The following GTF2B variants were observed in gnomAD, a reference collection of about 807,000 sequenced individuals.
GTF2B encodes transcription initiation factor IIB.
GTF2B carries 20 observed loss-of-function variants against 34.6 expected under a neutral mutation model. That is an observed-to-expected ratio of 0.58 (90% CI 0.41 to 0.84). GTF2B has a LOEUF of 0.84. Among genes scored for constraint, GTF2B ranks in the 40% least tolerant of loss-of-function variants. The probability of loss-of-function intolerance (pLI) is 0.00; values close to 1 mark genes in which losing one functional copy is unlikely to be tolerated. For missense variants in GTF2B, 237 were observed against 393.3 expected (o/e 0.60, Z 3.36); for synonymous variants, 142 against 132.4 (o/e 1.07, Z -0.50).
Position 88,852,948 on chromosome 1 carries a change from GT to G in GTF2B, c.*264del, listed in dbSNP as rs1254446153. Reference sequence around the variant, plus strand: ...AACAAAAACTTGAGTTTTGAAAAATGTTTTATTCAAGAATTACATAATTTCA... The same window carrying G: ...AACAAAAACTTGAGTTTTGAAAAATGTTTATTCAAGAATTACATAATTTCA... On this transcript the variant is annotated 3_prime_UTR_variant, in exon 7 of 7. Coordinates refer to ENST00000370500, the MANE Select transcript of GTF2B (RefSeq NM_001514.6). 2 of 378,448 alleles carry G rather than the reference GT, an allele frequency of 5.3e-6. No individual in the cohort carries two copies. The highest frequency in any genetic ancestry group is 4.1e-5 in the African/African-American group (2 of 48,320). 23.4% of individuals were successfully genotyped at this position (378,448 alleles called of 1,614,324 possible).
chr1:88,887,403 A>C, intron 1 of GTF2B, 36 bp from the exon 2 acceptor site: 1 of 1,191,978 alleles, frequency 8.4e-7, no homozygotes, highest in Non-Finnish European at 1.3e-6. Context: ...CATCTTCCCA[A>C]CCAACATGTA....
intron 6 of GTF2B, among the ~76,000 whole-genome samples, chr1:88,855,174 T>C (rs1424908950): frequency 6.6e-6 from 1 of 152,206 alleles, no homozygotes; most frequent in Non-Finnish European, 1.5e-5. Flanking sequence ...ACTCAAAATT[T>C]CCTTAAAACG....
At chr1:88,879,167 A>G (rs555364904) in intron 2 of GTF2B, among the ~76,000 whole-genome samples, 2 of 152,250 alleles carry the variant, frequency 1.3e-5, no homozygotes, top group Admixed American at 6.5e-5. Flanking sequence ...CCTCAAGAAG[A>G]AGGAGGTTTG....
chr1:88,890,607 C>G (rs188077210), intron 1 of GTF2B, among the ~76,000 whole-genome samples: 1 of 152,170 alleles, frequency 6.6e-6, no homozygotes, highest in Non-Finnish European at 1.5e-5. Flanking sequence ...ACTCTACACT[C>G]TAACACGACT....
At chr1:88,884,622 T>G (rs560264918) in intron 2 of GTF2B, among the ~76,000 whole-genome samples, 9 of 152,262 alleles carry the variant, frequency 5.9e-5, no homozygotes, top group Non-Finnish European at 1.3e-4. Context: ...GAAACTTTAG[T>G]TGCAGCCTCA....
chr1:88,866,306 AT>A (rs1673559166), intron 2 of GTF2B, among the ~76,000 whole-genome samples: 1 of 152,182 alleles, frequency 6.6e-6, no homozygotes, highest in Non-Finnish European at 1.5e-5. Flanking sequence ...GGGAGCCATG[AT>A]TACACCACTG....
intron 2 of GTF2B, among the ~76,000 whole-genome samples, chr1:88,876,260 A>G (rs192607734): frequency 2.0e-5 from 3 of 152,350 alleles, no homozygotes; most frequent in East Asian, 1.9e-4. Flanking sequence ...TTAACATACT[A>G]TAATTGGAGC....
chr1:88,882,799 T>G (rs927462393), intron 2 of GTF2B, among the ~76,000 whole-genome samples: 1 of 152,226 alleles, frequency 6.6e-6, no homozygotes, highest in African/African-American at 2.4e-5. Context: ...TGGAAGGCAT[T>G]CATAGAATTG....
chr1:88,865,941 C>T (rs1673548899), intron 2 of GTF2B, among the ~76,000 whole-genome samples: 2 of 152,062 alleles, frequency 1.3e-5, no homozygotes, highest in African/African-American at 4.8e-5. Flanking sequence ...ATCAGGAGGA[C>T]AGCAAAGAAC....
At chr1:88,867,371 G>T (rs1488108720) in intron 2 of GTF2B, among the ~76,000 whole-genome samples, 1 of 152,130 alleles carries the variant, frequency 6.6e-6, no homozygotes, top group Non-Finnish European at 1.5e-5. Context: ...TTTTTAGACA[G>T]AATTTAGTCC....
intron 2 of GTF2B, among the ~76,000 whole-genome samples, chr1:88,872,410 C>A (rs1673714620): frequency 7.5e-6 from 1 of 132,512 alleles, no homozygotes; most frequent in Admixed American, 9.1e-5. Context: ...CGAGATCATG[C>A]CATTGTACTC....
chr1:88,861,569 C>G (rs967680406), intron 3 of GTF2B, among the ~76,000 whole-genome samples: 2 of 152,194 alleles, frequency 1.3e-5, no homozygotes, highest in Non-Finnish European at 2.9e-5. Context: ...GAGGCTGAGG[C>G]GGGAGAATCG....
At chr1:88,860,078 T>C in intron 4 of GTF2B, 62 bp downstream of exon 4, 1 of 1,608,684 alleles carries the variant, frequency 6.2e-7, no homozygotes, top group Non-Finnish European at 8.5e-7. Context: ...AAATTTCATG[T>C]GTTCATTAAA....
intron 2 of GTF2B, among the ~76,000 whole-genome samples, chr1:88,886,951 C>T (rs1325004949): frequency 1.3e-5 from 2 of 151,412 alleles, no homozygotes; most frequent in Non-Finnish European, 2.9e-5. Flanking sequence ...CGGAGTCTTG[C>T]TCTGTTGCTC....
chr1:88,855,160 A>G (rs1673274361), intron 6 of GTF2B, among the ~76,000 whole-genome samples: 2 of 152,182 alleles, frequency 1.3e-5, no homozygotes, highest in Admixed American at 6.5e-5. Flanking sequence ...AATTTTACTA[A>G]AAGACTCAAA....
At chr1:88,877,615 C>G (rs1364993846) in intron 2 of GTF2B, among the ~76,000 whole-genome samples, 1 of 152,100 alleles carries the variant, frequency 6.6e-6, no homozygotes, top group Non-Finnish European at 1.5e-5. Context: ...GGGAAAAAAC[C>G]CCCACAAAAG....
chr1:88,869,021 G>C (rs772672650), intron 2 of GTF2B, among the ~76,000 whole-genome samples: 1 of 152,070 alleles, frequency 6.6e-6, no homozygotes, highest in African/African-American at 2.4e-5. Context: ...TTACAGGCGT[G>C]AGCCACCGCG....
intron 6 of GTF2B, among the ~76,000 whole-genome samples, chr1:88,856,293 A>AAAAAAAAAAAAG (rs1673312166): frequency 2.0e-5 from 3 of 149,048 alleles, no homozygotes; most frequent in Non-Finnish European, 4.5e-5. Flanking sequence ...AAAAAAAACA[A>AAAAAAAAAAAAG]AAAAAAAAAA....
chr1:88,854,395 G>T (rs1673255168), intron 6 of GTF2B, among the ~76,000 whole-genome samples: 1 of 152,096 alleles, frequency 6.6e-6, no homozygotes, highest in South Asian at 2.1e-4. Flanking sequence ...CTTTAAAGTC[G>T]CTGTCCCTTT....
Sources: gnomAD v4.1 joint callset for allele counts (sites outside exome capture counted in the v4.1 genomes callset) on GRCh38, gnomAD v4.1.1 for gene constraint, MANE v1.5 for transcripts, NCBI Gene and HGNC (gene_info 2026-07-23, HGNC 2026-07-21) for gene names.